The following KBTBD3 variants were observed in gnomAD, a reference collection of about 807,000 sequenced individuals.
KBTBD3 encodes the protein kelch repeat and BTB domain-containing protein 3.
KBTBD3 carries 38 observed loss-of-function variants against 49.6 expected under a neutral mutation model. The ratio of observed to expected loss-of-function variants is 0.77; its 90% confidence interval spans 0.59 to 1.00. KBTBD3 has a LOEUF of 1.00. Among genes scored for constraint, KBTBD3 ranks in the 50% least tolerant of loss-of-function variants. KBTBD3 has a pLI of 0.00. For synonymous variants in KBTBD3, 214 were observed against 250.4 expected (o/e 0.85, Z 1.37); for missense variants, 661 against 712.0 (o/e 0.93, Z 0.81).
Position 106,052,965 on chromosome 11 carries a change from T to C in KBTBD3, c.1724A>G (p.Asn575Ser), listed in dbSNP as rs1860452362. The change falls in exon 4 of 4, where the codon AAC (asparagine) becomes AGC (serine). Residue 575 changes from asparagine to serine, a missense_variant. Physicochemically the swap from Asn to Ser is conservative, Grantham distance 46. Transcript: ENST00000531837. The stretch of plus-strand genomic sequence containing the variant: ...TGAAACTTCTTCCCATTCAGACCTG[T>C]TGCTGTGGTAGACCTGCACTTCATC... ...ITDEVQVYHS[N>S]RSEWEEVSPM... is the part of the protein sequence containing the mutation. The C allele has an allele frequency of 6.2e-7, 1 of 1,613,696 alleles. No homozygotes were observed. The highest frequency in any genetic ancestry group is 1.7e-5 in the Admixed American group (1 of 59,962).
In KBTBD3 at chr11:106,052,949, T is replaced by C; in HGVS notation, c.1740A>G (p.Glu580=). Residue 580 remains glutamate, a synonymous_variant, in exon 4 of 4, where the codon GAA becomes GAG. Transcript: ENST00000531837. ...AGGCTCTAGGCATTGGTGAAACTTCTTCCCATTCAGACCTGTTGCTGTGGT... is the reference window on the plus strand; with the variant it reads ...AGGCTCTAGGCATTGGTGAAACTTCCTCCCATTCAGACCTGTTGCTGTGGT... ...QVYHSNRSEW[E]EVSPMPRALT... is the part of the protein sequence containing the mutation. The C allele has an allele frequency of 2.5e-6, 4 of 1,613,730 alleles. No individual in the cohort carries two copies. The highest frequency in any genetic ancestry group is 1.1e-5 in the South Asian group (1 of 91,078).
intron 2 of KBTBD3, among the ~76,000 whole-genome samples, chr11:106,059,348 T>C (rs1026404520): frequency 2.0e-5 from 3 of 152,222 alleles, no homozygotes; most frequent in African/African-American, 7.2e-5. Context: ...CATTGAAGGC[T>C]ATATAATTGT....
At chr11:106,065,296 G>A (rs1289724324) in intron 2 of KBTBD3, among the ~76,000 whole-genome samples, 2 of 152,128 alleles carry the variant, frequency 1.3e-5, no homozygotes, top group East Asian at 1.9e-4. Flanking sequence ...GTGAGCCACC[G>A]CGCCCGGCCT....
rs1316548264 is a variant in KBTBD3 at position 106,054,200 on chromosome 11, G to A, written c.489C>T (p.Ser163=). The stretch of plus-strand genomic sequence containing the variant: ...GATCAAACAAACTGGTGGAGCCATA[G>A]CTATCTGATATAGATAATAACTGTA... ...NCLQLLSISD[S]YGSTSLFDHA... The change falls in exon 4 of 4, where the codon AGC becomes AGT. Residue 163 remains serine, a synonymous_variant. Coordinates refer to ENST00000531837, the MANE Select transcript of KBTBD3 (RefSeq NM_198439.3). The A allele has an allele frequency of 6.2e-7, 1 of 1,612,838 alleles. No homozygotes were observed. Among genetic ancestry groups the A allele is most frequent in the South Asian group, 1.1e-5 (1 of 90,954 alleles).
chr11:106,073,588 T>C (rs1037948147), intron 2 of KBTBD3, among the ~76,000 whole-genome samples: 2 of 152,236 alleles, frequency 1.3e-5, no homozygotes, highest in Non-Finnish European at 2.9e-5. Context: ...AGCCCTTGCT[T>C]TCAGCCACTA....
Position 106,053,507 on chromosome 11 carries a change from G to T in KBTBD3, c.1182C>A (p.Thr394=), listed in dbSNP as rs554103074. ...FLVSTMKTPR[T]MHTSVMALDR... ...CGAGAGCCATAACTGATGTATGCAT[G>T]GTTCTTGGTGTTTTCATAGTTGATA... The change falls in exon 4 of 4, where the codon ACC becomes ACA. Residue 394 remains threonine (T), a synonymous_variant. Coordinates refer to ENST00000531837, the MANE Select transcript of KBTBD3 (RefSeq NM_198439.3). 6.2e-7 allele frequency: 1 copy of T among 1,613,730 alleles called. No individual in the cohort carries two copies. Among genetic ancestry groups the T allele is most frequent in the African/African-American group, 1.3e-5 (1 of 75,010 alleles).
At chr11:106,065,090 C>G (rs1294629837) in intron 2 of KBTBD3, among the ~76,000 whole-genome samples, 2 of 152,166 alleles carry the variant, frequency 1.3e-5, no homozygotes, top group Admixed American at 1.3e-4. Flanking sequence ...TCCAGGCTAT[C>G]CAGTAGGGGA....
intron 2 of KBTBD3, among the ~76,000 whole-genome samples, chr11:106,072,082 T>C (rs1000839066): frequency 2.6e-5 from 4 of 152,190 alleles, no homozygotes; most frequent in African/African-American, 9.6e-5. Context: ...GGTTGGGTAG[T>C]AGTCATGACA....
chr11:106,052,789 C>G lies in KBTBD3; in HGVS notation c.*61G>C. The G allele has an allele frequency of 7.8e-7, 1 of 1,277,628 alleles. No individual in the cohort carries two copies. Among genetic ancestry groups the G allele is most frequent in the South Asian group, 1.4e-5 (1 of 70,782 alleles). The allele number at this position is 1,277,628 out of a possible 1,614,324, so 79.1% of individuals were successfully genotyped here. A position where few individuals can be genotyped will look rare whatever the true frequency, so the allele number is the denominator to read the frequency against. ...TCATTAAGATGTATAGATCTTTTTACCTATCATTTTGGTTAACAAATTTAC... is the reference window on the plus strand; with the variant it reads ...TCATTAAGATGTATAGATCTTTTTAGCTATCATTTTGGTTAACAAATTTAC... On this transcript the variant is annotated 3_prime_UTR_variant, in exon 4 of 4. Transcript: ENST00000531837.
At chr11:106,065,943 A>G (rs531902941) in intron 2 of KBTBD3, among the ~76,000 whole-genome samples, 3 of 134,790 alleles carry the variant, frequency 2.2e-5, no homozygotes, top group Admixed American at 1.6e-4. Context: ...CCTGGATGAC[A>G]GAGCAAGACT....
chr11:106,052,990 C>T lies in KBTBD3; in HGVS notation c.1699G>A (p.Asp567Asn). The T allele has an allele frequency of 6.2e-7, 1 of 1,613,798 alleles. No individual in the cohort carries two copies. Residue 567 changes from aspartate to asparagine, a missense_variant, in exon 4 of 4, where the codon GAT (aspartate) becomes AAT (asparagine). Physicochemically the swap from Asp to Asn is conservative, Grantham distance 23 (BLOSUM62 1). Coordinates refer to ENST00000531837, the MANE Select transcript of KBTBD3 (RefSeq NM_198439.3). Reference protein sequence around the residue: ...GGDYAPDEITDEVQVYHSNRS... With the variant: ...GGDYAPDEITNEVQVYHSNRS... ...TTGCTGTGGTAGACCTGCACTTCAT[C>T]TGTGATTTCATCTGGTGCATAATCA... is the stretch of plus-strand genomic sequence containing the variant.
At chr11:106,065,506 A>C (rs1860791789) in intron 2 of KBTBD3, among the ~76,000 whole-genome samples, 1 of 152,212 alleles carries the variant, frequency 6.6e-6, no homozygotes, top group Non-Finnish European at 1.5e-5. Flanking sequence ...GAGGCAGTAG[A>C]AACTAAGGGA....
chr11:106,058,611 A>G (rs1373971890), intron 3 of KBTBD3: 2 of 404,900 alleles, frequency 4.9e-6, no homozygotes, highest in Admixed American at 5.0e-5. Context: ...TTTAGTAGAG[A>G]CGGAGTTTCA....
chr11:106,065,979 A>G (rs1860804144), intron 2 of KBTBD3, among the ~76,000 whole-genome samples: 1 of 119,212 alleles, frequency 8.4e-6, no homozygotes, highest in Non-Finnish European at 1.8e-5. Flanking sequence ...AAAAAAAAAA[A>G]ATCATCAGGT....
In KBTBD3 at chr11:106,053,759, A is replaced by G. The variant is rs1330468858; in HGVS notation, c.930T>C (p.Tyr310=). 5 of 1,613,686 alleles carry G rather than the reference A, an allele frequency of 3.1e-6. No individual in the cohort carries two copies. Among genetic ancestry groups the G allele is most frequent in the African/African-American group, 2.7e-5 (2 of 74,916 alleles). Residue 310 remains tyrosine, a synonymous_variant, in exon 4 of 4, where the codon TAT becomes TAC. Transcript: ENST00000531837. ...HKTEENGENQ[Y]TFCYNIKSDS... is the part of the protein sequence containing the mutation. ...CAGATTTAATGTTATAGCAAAATGT[A>G]TATTGATTTTCTCCATTTTCCTCAG...
chr11:106,052,833 G>A lies in KBTBD3; in HGVS notation c.*17C>T. 3 of 1,582,802 alleles carry A rather than the reference G, an allele frequency of 1.9e-6. No individual in the cohort carries two copies. Among genetic ancestry groups the A allele is most frequent in the Non-Finnish European group, 8.6e-7 (1 of 1,164,412 alleles). Reference sequence around the variant, plus strand: ...AATTTACTTTAGGTTACTAGAACTGGACTCGTTTTAGAATGTTCAAGCACA... The same window carrying A: ...AATTTACTTTAGGTTACTAGAACTGAACTCGTTTTAGAATGTTCAAGCACA... On this transcript the variant is annotated 3_prime_UTR_variant, in exon 4 of 4. Transcript: ENST00000531837.
At chr11:106,066,821 A>ACAC (rs1860818433) in intron 2 of KBTBD3, among the ~76,000 whole-genome samples, 1 of 151,802 alleles carries the variant, frequency 6.6e-6, no homozygotes, top group Non-Finnish European at 1.5e-5. Context: ...AAAAAAACAA[A>ACAC]AACAACAACA....
At position 106,054,023 on chromosome 11, in the gene KBTBD3, C is replaced by T. The variant is rs911148180; in HGVS notation, c.666G>A (p.Trp222Ter). 1 of 1,613,758 alleles carries T rather than the reference C, an allele frequency of 6.2e-7. No homozygotes were observed. Among genetic ancestry groups the T allele is most frequent in the Non-Finnish European group, 8.5e-7 (1 of 1,179,854 alleles). Residue 222 changes from tryptophan to a stop codon, truncating the protein, a stop_gained, in exon 4 of 4, where the codon TGG becomes TGA. Coordinates refer to ENST00000531837, the MANE Select transcript of KBTBD3 (RefSeq NM_198439.3). LOFTEE classifies it high-confidence loss of function. ...GCCTTGATTCTAAGTTATGTTTAGTCCAACTAAGGACAACTTTCAGTACCA... is the reference window on the plus strand; with the variant it reads ...GCCTTGATTCTAAGTTATGTTTAGTTCAACTAAGGACAACTTTCAGTACCA... ...EEMVLKVVLS[W>*]TKHNLESRQK...
chr11:106,053,963 T>C lies in KBTBD3; in HGVS notation c.726A>G (p.Arg242=), dbSNP rs1413597068. The C allele has an allele frequency of 6.2e-7, 1 of 1,613,898 alleles. No individual in the cohort carries two copies. The highest frequency in any genetic ancestry group is 8.5e-7 in the Non-Finnish European group (1 of 1,179,920). The change falls in exon 4 of 4, where the codon AGA becomes AGG. Residue 242 remains arginine, a synonymous_variant. Transcript: ENST00000531837. ...KYLPHLIEKV[R]LHQLSEETLQ... ...GTGTCTCCTCAGATAACTGATGTAA[T>C]CTCACTTTTTCAATCAAATGAGGCA...
Sources: gnomAD v4.1 joint callset for allele counts (sites outside exome capture counted in the v4.1 genomes callset) on GRCh38, gnomAD v4.1.1 for gene constraint, MANE v1.5 for transcripts, NCBI Gene and HGNC (gene_info 2026-07-23, HGNC 2026-07-21) for gene names.